AUTS2: variants seen among roughly 807,000 people sequenced by gnomAD.
The protein encoded by AUTS2 is autism susceptibility gene 2 protein.
In AUTS2, 17 loss-of-function variants were observed where a neutral mutation model predicts 112.4. That is an observed-to-expected ratio of 0.15 (90% CI 0.10 to 0.23). The LOEUF (loss-of-function observed/expected upper bound fraction) is 0.23. AUTS2 is among the 10% of genes least tolerant of loss of function. AUTS2 has a pLI of 1.00. For missense variants in AUTS2, 1,510 were observed against 1,701.6 expected, an observed-to-expected ratio of 0.89 and a Z score of 1.98; for synonymous variants, 751 against 702.7, an observed-to-expected ratio of 1.07 and a Z score of -1.09.
chr7:69,887,341 G>A (rs957602105), intron 1 of AUTS2, among the ~76,000 whole-genome samples: 4 of 151,594 alleles, frequency 2.6e-5, no homozygotes, highest in African/African-American at 7.3e-5. Context: ...ATGTGAACCC[G>A]GGAGGTGGAG....
chr7:70,674,364 G>A (rs1420579079), intron 5 of AUTS2, among the ~76,000 whole-genome samples: 1 of 152,202 alleles, frequency 6.6e-6, no homozygotes, highest in Non-Finnish European at 1.5e-5. Flanking sequence ...AAAGGAAGGT[G>A]CTGTCAGAAT....
At chr7:70,228,807 A>G (rs865878098) in intron 4 of AUTS2, among the ~76,000 whole-genome samples, 65 of 152,096 alleles carry the variant, frequency 4.3e-4, no homozygotes, top group Middle Eastern at 3.4e-3. Context: ...GCAGTATTGT[A>G]ATTATTGCTT....
intron 5 of AUTS2, among the ~76,000 whole-genome samples, chr7:70,638,306 G>A (rs985687538): frequency 6.6e-6 from 1 of 152,156 alleles, no homozygotes; most frequent in Non-Finnish European, 1.5e-5. Context: ...TTCCCGAACA[G>A]TAAACCCCAG....
intron 1 of AUTS2, among the ~76,000 whole-genome samples, chr7:69,710,036 C>A (rs1798244763): frequency 6.6e-6 from 1 of 152,188 alleles, no homozygotes. Context: ...GACTTTACTA[C>A]TTGGGAGACT....
intron 4 of AUTS2, among the ~76,000 whole-genome samples, chr7:70,183,827 CTTTT>C: frequency 7.3e-6 from 1 of 136,712 alleles, no homozygotes; most frequent in Non-Finnish European, 1.5e-5. Flanking sequence ...CTTTTTCTGT[CTTTT>C]TCTTTTTTTT....
At chr7:69,649,026 G>T (rs1357676218) in intron 1 of AUTS2, among the ~76,000 whole-genome samples, 2 of 152,150 alleles carry the variant, frequency 1.3e-5, no homozygotes, top group Non-Finnish European at 2.9e-5. Context: ...CATTTAGGCT[G>T]GAACCCATGG....
At chr7:69,676,162 T>C (rs1796555494) in intron 1 of AUTS2, among the ~76,000 whole-genome samples, 1 of 152,134 alleles carries the variant, frequency 6.6e-6, no homozygotes, top group South Asian at 2.1e-4. Context: ...AAATAAGAAA[T>C]TATTTGTAGT....
At chr7:70,496,181 A>C (rs1267584997) in intron 5 of AUTS2, among the ~76,000 whole-genome samples, 1 of 122,098 alleles carries the variant, frequency 8.2e-6, no homozygotes, top group Non-Finnish European at 1.7e-5. Flanking sequence ...ACACACACAC[A>C]CACCCCACAC....
At chr7:69,701,162 G>C (rs1797785955) in intron 1 of AUTS2, among the ~76,000 whole-genome samples, 1 of 152,168 alleles carries the variant, frequency 6.6e-6, no homozygotes, top group African/African-American at 2.4e-5. Flanking sequence ...TCTAGTAGTT[G>C]TGAAGATTAA....
intron 2 of AUTS2, among the ~76,000 whole-genome samples, chr7:70,096,929 T>C (rs1343261144): frequency 2.0e-5 from 3 of 152,212 alleles, no homozygotes; most frequent in Non-Finnish European, 2.9e-5. Flanking sequence ...AAAAGTGATA[T>C]TGGGCAGCAT....
In AUTS2 at chr7:69,823,046, T is replaced by C. The variant is rs568871926; in HGVS notation, c.310-76240T>C. Reference sequence around the variant, plus strand: ...CTTTGAGTTGTTTGGTCTAAGCTACTTATTTGCATTTTTGTCTCCACTTCC... The same window carrying C: ...CTTTGAGTTGTTTGGTCTAAGCTACCTATTTGCATTTTTGTCTCCACTTCC... On this transcript the variant is annotated intron_variant, in intron 1 of 18. Transcript: ENST00000342771. Among the ~76,000 whole-genome samples the C allele has an allele frequency of 3.3e-5, 5 of 152,314 alleles. No homozygotes were observed. In the East Asian group the frequency reaches 9.6e-4, roughly 29 times the overall value.
intron 6 of AUTS2, among the ~76,000 whole-genome samples, chr7:70,726,637 A>G (rs766561623): frequency 2.6e-5 from 4 of 152,226 alleles, no homozygotes; most frequent in Non-Finnish European, 4.4e-5. Flanking sequence ...ATTTTTGAGA[A>G]GAGAAGATAA....
chr7:69,831,715 A>G (rs1791509149), intron 1 of AUTS2, among the ~76,000 whole-genome samples: 1 of 151,950 alleles, frequency 6.6e-6, no homozygotes, highest in African/African-American at 2.4e-5. Context: ...GAGCACCTAC[A>G]CTAAGTGGCA....
chr7:70,435,940 C>A, intron 5 of AUTS2, 159 bp downstream of exon 5: 2 of 669,258 alleles, frequency 3.0e-6, no homozygotes, highest in Non-Finnish European at 5.0e-6. Context: ...ATTTCCTATG[C>A]TATGACACGT....
intron 1 of AUTS2, among the ~76,000 whole-genome samples, chr7:69,896,185 G>T (rs2129540005): frequency 6.6e-6 from 1 of 152,282 alleles, no homozygotes; most frequent in East Asian, 1.9e-4. Flanking sequence ...CTGAGGTTGT[G>T]GACACTGGAC....
At chr7:70,744,314 G>A (rs79299033) in intron 6 of AUTS2, among the ~76,000 whole-genome samples, 5,595 of 152,216 alleles carry the variant, frequency 0.037, 253 homozygotes, top group African/African-American at 0.099. Context: ...AGGTAGATGC[G>A]CTCCTCTTTT....
chr7:69,651,579 G>A (rs1437810950), intron 1 of AUTS2, among the ~76,000 whole-genome samples: 3 of 152,200 alleles, frequency 2.0e-5, no homozygotes, highest in Non-Finnish European at 2.9e-5. Flanking sequence ...GGTAACCAGA[G>A]GTAGTTATGA....
intron 1 of AUTS2, among the ~76,000 whole-genome samples, chr7:69,772,207 A>T (rs1788697083): frequency 6.6e-6 from 1 of 152,222 alleles, no homozygotes; most frequent in Non-Finnish European, 1.5e-5. Context: ...TTTCTGGATA[A>T]CTGAAGCTTA....
intron 1 of AUTS2, among the ~76,000 whole-genome samples, chr7:69,877,871 G>A (rs560865519): frequency 3.3e-5 from 5 of 152,276 alleles, no homozygotes; most frequent in South Asian, 2.1e-4. Flanking sequence ...CCTGAGGCAC[G>A]TAGTGAAGAA....
Sources: allele counts gnomAD v4.1 joint callset (sites outside exome capture counted in the v4.1 genomes callset), GRCh38; gene constraint gnomAD v4.1.1; transcripts MANE v1.5; gene names NCBI Gene and HGNC (gene_info 2026-07-23, HGNC 2026-07-21).